The following MYO1D variants were observed in gnomAD, a reference collection of about 807,000 sequenced individuals.
MYO1D encodes unconventional myosin-Id.
Under a neutral mutation model 122.0 loss-of-function variants are expected in MYO1D, and 83 were observed. That is an observed-to-expected ratio of 0.68 (90% CI 0.57 to 0.82). The LOEUF is 0.82. MYO1D is among the 40% of genes least tolerant of loss of function. The pLI, the probability that MYO1D is intolerant of heterozygous loss-of-function variation, is 0.00. For missense variants in MYO1D, 1,157 were observed against 1,269.5 expected (o/e 0.91, Z 1.35); for synonymous variants, 464 against 446.9 (o/e 1.04, Z -0.48).
intron 21 of MYO1D, among the ~76,000 whole-genome samples, chr17:32,559,852 C>G (rs958493578): frequency 3.3e-5 from 5 of 152,104 alleles, no homozygotes; most frequent in Non-Finnish European, 7.3e-5. Context: ...AGCCACAGAC[C>G]TTTAAATGAA....
At chr17:32,715,600 A>G (rs2089434651) in intron 15 of MYO1D, among the ~76,000 whole-genome samples, 1 of 152,088 alleles carries the variant, frequency 6.6e-6, no homozygotes, top group South Asian at 2.1e-4. Flanking sequence ...CTCTCCCCAC[A>G]TTACCTCATC....
At chr17:32,755,320 C>T (rs554149596) in intron 11 of MYO1D, among the ~76,000 whole-genome samples, 172 bp downstream of exon 11, 59 of 152,236 alleles carry the variant, frequency 3.9e-4, no homozygotes, top group Admixed American at 1.8e-3. Context: ...ATACTATAAA[C>T]CAGAGAGGCA....
At chr17:32,497,435 C>G (rs565489862) in intron 21 of MYO1D, among the ~76,000 whole-genome samples, 5 of 152,256 alleles carry the variant, frequency 3.3e-5, no homozygotes, top group Non-Finnish European at 7.4e-5. Context: ...CCAGCCTGGG[C>G]AACAGAGTGA....
intron 1 of MYO1D, among the ~76,000 whole-genome samples, chr17:32,867,568 G>A (rs575705907): frequency 5.3e-5 from 8 of 151,562 alleles, no homozygotes; most frequent in East Asian, 1.9e-4. Context: ...AGGACAAAGC[G>A]GGCAGATCAC....
Position 32,568,186 on chromosome 17 carries a change from C to CAAAAAAAA in MYO1D, c.2864+36893_2864+36900dup, listed in dbSNP as rs386385913. Among the ~76,000 whole-genome samples, 13 of 124,346 alleles carry CAAAAAAAA rather than the reference C, an allele frequency of 1.0e-4. 3 individuals are homozygous for CAAAAAAAA. Among genetic ancestry groups the CAAAAAAAA allele is most frequent in the East Asian group, 2.4e-4 (1 of 4,198 alleles). 81.6% of individuals were successfully genotyped at this position (124,346 alleles called of 152,430 possible). On this transcript the variant is annotated intron_variant, in intron 21 of 21. Transcript: ENST00000318217. Reference sequence around the variant, plus strand: ...TCCTCTTTATCTTTCTGCGTTATTACAAAAAAAAAAAAAAAAGGCTGGTGT... The same window carrying CAAAAAAAA: ...TCCTCTTTATCTTTCTGCGTTATTACAAAAAAAAAAAAAAAAAAAAAAAAGGCTGGTGT...
At chr17:32,775,456 G>T (rs2090162570) in intron 4 of MYO1D, among the ~76,000 whole-genome samples, 1 of 152,056 alleles carries the variant, frequency 6.6e-6, no homozygotes, top group Non-Finnish European at 1.5e-5. Flanking sequence ...ATACATATAT[G>T]TTACTATAAA....
intron 21 of MYO1D, among the ~76,000 whole-genome samples, chr17:32,529,333 G>A (rs1351829484): frequency 6.6e-6 from 1 of 151,064 alleles, no homozygotes; most frequent in Non-Finnish European, 1.5e-5. Context: ...AGCAGGTGAG[G>A]TGTCCCTCCA....
chr17:32,762,663 C>T (rs560348521), intron 8 of MYO1D, among the ~76,000 whole-genome samples: 2 of 152,072 alleles, frequency 1.3e-5, no homozygotes, highest in Admixed American at 1.3e-4. Flanking sequence ...CACCTGAGGT[C>T]AGGAGTTTGA....
intron 1 of MYO1D, among the ~76,000 whole-genome samples, chr17:32,823,219 A>C (rs1228539751): frequency 6.6e-6 from 1 of 152,096 alleles, no homozygotes; most frequent in Non-Finnish European, 1.5e-5. Flanking sequence ...TTGGAGGTGG[A>C]GTAACTATCA....
chr17:32,561,678 G>A (rs1000974304), intron 21 of MYO1D, among the ~76,000 whole-genome samples: 4 of 131,512 alleles, frequency 3.0e-5, no homozygotes, highest in African/African-American at 1.3e-4. Context: ...GACAGAGGGA[G>A]GCTCTGTCTC....
chr17:32,614,606 C>T (rs2087748038), intron 20 of MYO1D, among the ~76,000 whole-genome samples: 1 of 152,166 alleles, frequency 6.6e-6, no homozygotes, highest in South Asian at 2.1e-4. Context: ...TAATCTCCCT[C>T]CTTCTCCCTT....
chr17:32,802,303 T>G (rs2090467906), intron 1 of MYO1D, among the ~76,000 whole-genome samples: 1 of 152,262 alleles, frequency 6.6e-6, no homozygotes, highest in Non-Finnish European at 1.5e-5. Context: ...ATGCTTTGAG[T>G]ACTTTATTAT....
At chr17:32,577,856 A>T (rs946950483) in intron 21 of MYO1D, among the ~76,000 whole-genome samples, 2 of 151,578 alleles carry the variant, frequency 1.3e-5, no homozygotes, top group African/African-American at 4.9e-5. Context: ...CTCCTGCCTC[A>T]GCCTCCTGAG....
intron 1 of MYO1D, among the ~76,000 whole-genome samples, chr17:32,859,664 T>C (rs930783814): frequency 6.6e-6 from 1 of 152,250 alleles, no homozygotes; most frequent in Non-Finnish European, 1.5e-5. Context: ...CATACGCAAG[T>C]ATTTGAGGTT....
At chr17:32,722,529 C>T (rs2089524571) in intron 14 of MYO1D, among the ~76,000 whole-genome samples, 1 of 152,194 alleles carries the variant, frequency 6.6e-6, no homozygotes, top group Non-Finnish European at 1.5e-5. Context: ...GTCACCTCTT[C>T]GTTCTGACTT....
At chr17:32,829,568 C>T (rs2090753399) in intron 1 of MYO1D, among the ~76,000 whole-genome samples, 1 of 152,212 alleles carries the variant, frequency 6.6e-6, no homozygotes, top group Non-Finnish European at 1.5e-5. Flanking sequence ...ATTCTCATGC[C>T]TCAGCCTCCC....
intron 19 of MYO1D, among the ~76,000 whole-genome samples, chr17:32,643,856 C>G (rs1471462085): frequency 6.6e-6 from 1 of 152,002 alleles, no homozygotes; most frequent in East Asian, 1.9e-4. Flanking sequence ...TTTTGTTGAT[C>G]TTTTCAACAA....
intron 21 of MYO1D, among the ~76,000 whole-genome samples, chr17:32,600,215 C>T (rs539210449): frequency 3.3e-5 from 5 of 152,254 alleles, no homozygotes; most frequent in Non-Finnish European, 4.4e-5. Flanking sequence ...TGCTGTAATC[C>T]AGGCCTTGTG....
rs373201936 is a variant in MYO1D at position 32,697,815 on chromosome 17, C to T, written c.2121+14173G>A. The stretch of plus-strand genomic sequence containing the variant: ...ACTTTACCAAGGCTATTTAATAAAG[C>T]AATTTTGCAAATTGCATTCTGCTTT... On this transcript the variant is annotated intron_variant, in intron 16 of 21. Coordinates refer to ENST00000318217, the MANE Select transcript of MYO1D (RefSeq NM_015194.3). 4.0e-4 allele frequency among the ~76,000 whole-genome samples: 61 copies of T among 152,276 alleles called. No homozygotes were observed. The East Asian group carries it at 8.5e-3, about 21-fold the overall frequency.
Sources: allele counts gnomAD v4.1 joint callset (sites outside exome capture counted in the v4.1 genomes callset), GRCh38; gene constraint gnomAD v4.1.1; transcripts MANE v1.5; gene names NCBI Gene and HGNC (gene_info 2026-07-23, HGNC 2026-07-21).